Variants in RBFOX1 observed in about 807,000 individuals in gnomAD.
RBFOX1 encodes RNA binding fox-1 homolog 1.
RBFOX1 carries 8 observed loss-of-function variants against 57.7 expected under a neutral mutation model. That is an observed-to-expected ratio of 0.14 (90% CI 0.08 to 0.25). RBFOX1 has a LOEUF of 0.25. Among genes scored for constraint, RBFOX1 ranks in the 10% least tolerant of loss-of-function variants. The pLI, the probability that RBFOX1 is intolerant of heterozygous loss-of-function variation, is 1.00. For synonymous variants in RBFOX1, 326 were observed against 222.4 expected (o/e 1.47, Z -4.15); for missense variants, 611 against 548.5 (o/e 1.11, Z -1.14).
intron 1 of RBFOX1, among the ~76,000 whole-genome samples, chr16:6,206,030 C>G (rs1036196116): frequency 6.6e-6 from 1 of 151,868 alleles, no homozygotes; most frequent in African/African-American, 2.4e-5. Flanking sequence ...TAGCCAGCCA[C>G]TATTTTCTTT....
chr16:5,709,621 T>C (rs1209037363), intron 3 of RBFOX1, among the ~76,000 whole-genome samples: 1 of 151,084 alleles, frequency 6.6e-6, no homozygotes, highest in African/African-American at 2.4e-5. Flanking sequence ...ATTAGCTAGG[T>C]GTGTCAGGCA....
intron 3 of RBFOX1, among the ~76,000 whole-genome samples, chr16:7,046,582 T>A (rs2048025793): frequency 6.6e-6 from 1 of 151,206 alleles, no homozygotes; most frequent in Admixed American, 6.6e-5. Flanking sequence ...CCTCTTTGTT[T>A]CTGTAGTCTT....
chr16:6,205,503 A>T (rs1056934187), intron 1 of RBFOX1, among the ~76,000 whole-genome samples: 5 of 152,202 alleles, frequency 3.3e-5, no homozygotes, highest in African/African-American at 1.2e-4. Context: ...ATATGTATGC[A>T]CATTTACAAA....
At chr16:7,053,274 A>G (rs1310264385) in intron 4 of RBFOX1, among the ~76,000 whole-genome samples, 1 of 152,168 alleles carries the variant, frequency 6.6e-6, no homozygotes, top group East Asian at 1.9e-4. Context: ...TTTATGCAGT[A>G]TCTCAGTATG....
intron 4 of RBFOX1, among the ~76,000 whole-genome samples, chr16:7,076,931 C>T (rs112399299): frequency 1.3e-5 from 2 of 152,170 alleles, no homozygotes; most frequent in African/African-American, 4.8e-5. Context: ...TACTTTCTAA[C>T]AATTTTCTAA....
chr16:5,269,634 T>G (rs2062954918), intron 1 of RBFOX1, among the ~76,000 whole-genome samples: 2 of 152,192 alleles, frequency 1.3e-5, no homozygotes, highest in South Asian at 4.1e-4. Flanking sequence ...TGGAAATCTA[T>G]AGAAATAGGA....
At chr16:7,119,308 A>G (rs1472896868) in intron 4 of RBFOX1, among the ~76,000 whole-genome samples, 3 of 152,154 alleles carry the variant, frequency 2.0e-5, no homozygotes, top group Admixed American at 2.0e-4. Context: ...AGGTTTCCCT[A>G]TGGTGAATGA....
At chr16:7,484,477 T>C (rs2064857289) in intron 4 of RBFOX1, among the ~76,000 whole-genome samples, 3 of 152,180 alleles carry the variant, frequency 2.0e-5, no homozygotes, top group Non-Finnish European at 4.4e-5. Flanking sequence ...ATTTATTTAT[T>C]TTTTAGACAG....
chr16:6,773,838 C>T (rs996590970), intron 3 of RBFOX1: 16 of 424,996 alleles, frequency 3.8e-5, no homozygotes, highest in Admixed American at 6.5e-5. Context: ...GCATGGGGTG[C>T]ATTTGTGTGT....
chr16:6,786,361 T>C (rs1238865027), intron 3 of RBFOX1, among the ~76,000 whole-genome samples: 1 of 152,180 alleles, frequency 6.6e-6, no homozygotes, highest in African/African-American at 2.4e-5. Context: ...GGAGAGTCCC[T>C]GTTGTCCCAG....
At chr16:7,687,066 T>TCC (rs912517198) in intron 14 of RBFOX1, among the ~76,000 whole-genome samples, 3 of 152,088 alleles carry the variant, frequency 2.0e-5, no homozygotes, top group African/African-American at 7.2e-5. Flanking sequence ...TTTCATGTGT[T>TCC]CCCCCTTTTC....
intron 4 of RBFOX1, among the ~76,000 whole-genome samples, chr16:7,140,033 G>A (rs1251642184): frequency 1.3e-5 from 2 of 152,046 alleles, no homozygotes; most frequent in African/African-American, 2.4e-5. Flanking sequence ...AGCTGTCTGG[G>A]CATTAGGGGA....
At chr16:6,747,624 G>C (rs1187047519) in intron 3 of RBFOX1, among the ~76,000 whole-genome samples, 2 of 152,068 alleles carry the variant, frequency 1.3e-5, no homozygotes, top group Admixed American at 6.6e-5. Context: ...CTCAGATATT[G>C]TCTCTTGTAT....
chr16:6,102,568 C>T (rs2096326463), intron 1 of RBFOX1, among the ~76,000 whole-genome samples: 1 of 152,226 alleles, frequency 6.6e-6, no homozygotes, highest in Admixed American at 6.5e-5. Flanking sequence ...TCTCTCCACC[C>T]TCCCACCCCT....
In RBFOX1 at chr16:6,951,277, C is replaced by T. The variant is rs374634556; in HGVS notation, c.-15-100780C>T. ...GAAACGTAATAGAGTCACCCATCTTCTGAGGGGTCAGTTTCAGCTGTCTGT... is the reference window on the plus strand; with the variant it reads ...GAAACGTAATAGAGTCACCCATCTTTTGAGGGGTCAGTTTCAGCTGTCTGT... On this transcript the variant is annotated intron_variant, in intron 3 of 15. Coordinates refer to ENST00000550418, the MANE Select transcript of RBFOX1 (RefSeq NM_018723.4). Among the ~76,000 whole-genome samples the T allele has an allele frequency of 1.8e-4, 28 of 152,262 alleles. 1 individual carries two copies. The South Asian group carries it at 3.5e-3, about 19-fold the overall frequency.
intron 1 of RBFOX1, among the ~76,000 whole-genome samples, chr16:5,360,222 GCT>G (rs1430877231): frequency 6.6e-6 from 1 of 152,232 alleles, no homozygotes; most frequent in Non-Finnish European, 1.5e-5. Context: ...TGCCTGGCTA[GCT>G]CTGTGTGCTG....
intron 1 of RBFOX1, among the ~76,000 whole-genome samples, chr16:6,224,945 G>T (rs1308610238): frequency 1.3e-5 from 2 of 148,158 alleles, no homozygotes; most frequent in Non-Finnish European, 3.0e-5. Context: ...CTTGAACCTG[G>T]GAGGTGGAGG....
intron 3 of RBFOX1, among the ~76,000 whole-genome samples, chr16:6,847,466 A>G (rs940161009): frequency 1.3e-5 from 2 of 152,034 alleles, no homozygotes; most frequent in Non-Finnish European, 2.9e-5. Flanking sequence ...GGGGAGCCAC[A>G]GGGGGTGGGC....
intron 14 of RBFOX1, among the ~76,000 whole-genome samples, chr16:7,697,465 AACTT>A (rs2079146784): frequency 6.6e-6 from 1 of 152,146 alleles, no homozygotes; most frequent in African/African-American, 2.4e-5. Flanking sequence ...GTGTAATAGT[AACTT>A]ACTGTCATTT....
Sources: allele counts gnomAD v4.1 joint callset (sites outside exome capture counted in the v4.1 genomes callset), GRCh38; gene constraint gnomAD v4.1.1; transcripts MANE v1.5; gene names NCBI Gene and HGNC (gene_info 2026-07-23, HGNC 2026-07-21).